The following ITPRID1 variants were observed in gnomAD, a reference collection of about 807,000 sequenced individuals.
ITPRID1 encodes the protein protein ITPRID1.
ITPRID1 carries 96 observed loss-of-function variants against 95.4 expected under a neutral mutation model. That is an observed-to-expected ratio of 1.01 (90% CI 0.85 to 1.19). The LOEUF (loss-of-function observed/expected upper bound fraction) is 1.19, where lower values mean the gene tolerates loss of function less well. ITPRID1 is among the 50% of genes most tolerant of loss of function. The pLI is 0.00. For missense variants in ITPRID1, 1,339 were observed against 1,252.9 expected (o/e 1.07, Z -1.04); for synonymous variants, 510 against 453.6 (o/e 1.12, Z -1.58).
chr7:31,654,727 G>C lies in ITPRID1; in HGVS notation c.*1898G>C, dbSNP rs1358677278. Among the ~76,000 whole-genome samples the C allele has an allele frequency of 2.0e-5, 3 of 152,132 alleles. No individual in the cohort carries two copies. The highest frequency in any genetic ancestry group is 2.0e-4 in the Admixed American group (3 of 15,270). Reference sequence around the variant, plus strand: ...TGGGGAATAGATGCAGAATGGAATAGGAAAAACTGCTTGGAAAAGTAATGC... The same window carrying C: ...TGGGGAATAGATGCAGAATGGAATACGAAAAACTGCTTGGAAAAGTAATGC... On this transcript the variant is annotated 3_prime_UTR_variant, in exon 15 of 15. Coordinates refer to ENST00000615280, the MANE Select transcript of ITPRID1 (RefSeq NM_001257967.3).
intron 1 of ITPRID1, chr7:31,518,130 A>T (rs1783107892): frequency 6.6e-6 from 1 of 152,490 alleles, no homozygotes; most frequent in Non-Finnish European, 1.5e-5. Context: ...CCATCATGAT[A>T]GGAGCAGAGA....
At chr7:31,563,802 A>T (rs925128366) in intron 5 of ITPRID1, among the ~76,000 whole-genome samples, 3 of 152,176 alleles carry the variant, frequency 2.0e-5, no homozygotes, top group Non-Finnish European at 4.4e-5. Flanking sequence ...ATATCTGGAA[A>T]TAAACAGACA....
intron 1 of ITPRID1, among the ~76,000 whole-genome samples, chr7:31,525,294 C>A (rs1383232192): frequency 6.6e-6 from 1 of 152,194 alleles, no homozygotes. Context: ...TTTCCTTTGT[C>A]AAATACAGGG....
At chr7:31,622,257 A>C (rs1053478275) in intron 10 of ITPRID1, among the ~76,000 whole-genome samples, 1 of 149,578 alleles carries the variant, frequency 6.7e-6, no homozygotes, top group Non-Finnish European at 1.5e-5. Context: ...AAGCGGACCT[A>C]ATAGGCATCT....
chr7:31,643,450 G>A lies in ITPRID1; in HGVS notation c.2080G>A (p.Glu694Lys). 6 of 1,614,014 alleles carry A rather than the reference G, an allele frequency of 3.7e-6. No individual in the cohort carries two copies. Among genetic ancestry groups the A allele is most frequent in the Non-Finnish European group, 5.1e-6 (6 of 1,179,900 alleles). ...TCAGATACTACCTGGGACAGAAGCTGAGATGGAAAACCTTCCTCTAAATAC... is the reference window on the plus strand; with the variant it reads ...TCAGATACTACCTGGGACAGAAGCTAAGATGGAAAACCTTCCTCTAAATAC... ...LGQILPGTEA[E>K]MENLPLNTGS... The change falls in exon 12 of 15, where the codon GAG becomes AAG. Residue 694 changes from glutamate to lysine, a missense_variant. Transcript: ENST00000615280.
In ITPRID1 at chr7:31,574,512, A is replaced by C. The variant is rs1386519956; in HGVS notation, c.396-28A>C. ...ATGGTGTTGGGTTAACTGTTTCTGGATAAAGATATTCATATTTTTTACCAC... is the reference window on the plus strand; with the variant it reads ...ATGGTGTTGGGTTAACTGTTTCTGGCTAAAGATATTCATATTTTTTACCAC... On this transcript the variant is annotated intron_variant, in intron 7 of 14. Transcript: ENST00000615280. 1.9e-6 allele frequency: 3 copies of C among 1,600,074 alleles called. No homozygotes were observed. The Admixed American group carries it at 5.0e-5, about 27-fold the overall frequency.
chr7:31,556,081 G>A (rs1405450891), intron 5 of ITPRID1, among the ~76,000 whole-genome samples: 1 of 152,060 alleles, frequency 6.6e-6, no homozygotes, highest in Non-Finnish European at 1.5e-5. Flanking sequence ...GAGAGGCCTG[G>A]CACTGGTTCT....
downstream of ITPRID1, among the ~76,000 whole-genome samples, chr7:31,657,960 C>G (rs1006350690): frequency 6.6e-6 from 1 of 152,140 alleles, no homozygotes; most frequent in Non-Finnish European, 1.5e-5. Flanking sequence ...AGGATCCTAC[C>G]CTGTATTAAT....
At chr7:31,609,741 C>A (rs1786783508) in intron 10 of ITPRID1, among the ~76,000 whole-genome samples, 1 of 151,262 alleles carries the variant, frequency 6.6e-6, no homozygotes, top group African/African-American at 2.4e-5. Flanking sequence ...AGAAAAACTT[C>A]TTTTTTAAAA....
chr7:31,583,259 T>C, intron 10 of ITPRID1, 68 bp downstream of exon 10: 1 of 1,072,334 alleles, frequency 9.3e-7, no homozygotes, highest in Non-Finnish European at 1.4e-6. Context: ...GGTATTTAAA[T>C]TTCTTAATAT....
chr7:31,657,486 G>T (rs1039063418), downstream of ITPRID1, among the ~76,000 whole-genome samples: 1 of 152,152 alleles, frequency 6.6e-6, no homozygotes, highest in Non-Finnish European at 1.5e-5. Context: ...GTCAGGTATC[G>T]GTTCTGAGTC....
chr7:31,577,624 TATTC>T (rs1227083671), intron 8 of ITPRID1, among the ~76,000 whole-genome samples: 3 of 152,192 alleles, frequency 2.0e-5, no homozygotes, highest in Non-Finnish European at 4.4e-5. Flanking sequence ...TAGTTATGCG[TATTC>T]AACTAAATAC....
intron 8 of ITPRID1, among the ~76,000 whole-genome samples, chr7:31,576,708 G>A (rs1785196122): frequency 6.6e-6 from 1 of 152,124 alleles, no homozygotes; most frequent in Admixed American, 6.6e-5. Flanking sequence ...AAAAAGGTAG[G>A]CACTGGCTCA....
intron 1 of ITPRID1, among the ~76,000 whole-genome samples, chr7:31,520,225 C>CA (rs1290245147): frequency 2.0e-5 from 3 of 151,676 alleles, no homozygotes; most frequent in African/African-American, 4.8e-5. Flanking sequence ...CAAATTATGT[C>CA]AAAAAAACAC....
chr7:31,652,016 A>AC lies in ITPRID1; in HGVS notation c.2791dup (p.Arg931ProfsTer22), dbSNP rs761134949. The AC allele has an allele frequency of 1.9e-6, 3 of 1,603,956 alleles. No homozygotes were observed. Among genetic ancestry groups the AC allele is most frequent in the Non-Finnish European group, 2.6e-6 (3 of 1,175,464 alleles). ...GCAGAGTTGGAATTTCAGTTAGGAG[A>AC]CCGGGCTCAGCAAATCAGAGAAGGG... On this transcript the variant is annotated frameshift_variant, in exon 14 of 15. Coordinates refer to ENST00000615280, the MANE Select transcript of ITPRID1 (RefSeq NM_001257967.3). LOFTEE classifies it low-confidence loss of function (END_TRUNC).
intron 5 of ITPRID1, among the ~76,000 whole-genome samples, chr7:31,566,633 T>C (rs1169378570): frequency 6.6e-6 from 1 of 152,230 alleles, no homozygotes; most frequent in Non-Finnish European, 1.5e-5. Flanking sequence ...ATATTTTATC[T>C]TCCATTTAGG....
intron 1 of ITPRID1, among the ~76,000 whole-genome samples, chr7:31,524,464 A>G (rs1255798842): frequency 6.6e-6 from 1 of 152,200 alleles, no homozygotes; most frequent in Non-Finnish European, 1.5e-5. Context: ...TTGAGTCATG[A>G]TTAGTGGTCC....
At chr7:31,577,270 T>C (rs1785217922) in intron 8 of ITPRID1, among the ~76,000 whole-genome samples, 1 of 152,230 alleles carries the variant, frequency 6.6e-6, no homozygotes, top group African/African-American at 2.4e-5. Flanking sequence ...GACATGAAAA[T>C]ACTGGCCATT....
chr7:31,644,838 G>C (rs1299249227), intron 12 of ITPRID1, among the ~76,000 whole-genome samples: 1 of 152,198 alleles, frequency 6.6e-6, no homozygotes, highest in African/African-American at 2.4e-5. Context: ...GAGAATATAG[G>C]TTGCAGCTAT....
Sources: allele counts gnomAD v4.1 joint callset (sites outside exome capture counted in the v4.1 genomes callset), GRCh38; gene constraint gnomAD v4.1.1; transcripts MANE v1.5; gene names NCBI Gene and HGNC (gene_info 2026-07-23, HGNC 2026-07-21).